Variants in CNGA4 observed in about 807,000 individuals in gnomAD.
CNGA4 encodes cyclic nucleotide-gated channel alpha-4.
CNGA4 carries 32 observed loss-of-function variants against 45.6 expected under a neutral mutation model. The ratio of observed to expected loss-of-function variants is 0.70; its 90% confidence interval spans 0.53 to 0.94. The LOEUF (loss-of-function observed/expected upper bound fraction) is 0.94. Ranked by LOEUF, CNGA4 falls within the 40% of genes least tolerant of loss-of-function variation. CNGA4 has a pLI of 0.00. For missense variants in CNGA4, 726 were observed against 755.1 expected (o/e 0.96, Z 0.45); for synonymous variants, 293 against 304.6 (o/e 0.96, Z 0.40).
chr11:6,244,383 C>A lies in CNGA4; in HGVS notation c.1702C>A (p.Gln568Lys). Residue 568 changes from glutamine to lysine, a missense_variant, in exon 6 of 6, where the codon CAG becomes AAG. By Grantham distance (53) the Gln-to-Lys change is moderately conservative (BLOSUM62 1). Transcript: ENST00000379936. The surrounding 1 kb of genome is among the most constrained non-coding windows in gnomAD (Gnocchi z 4.5). ...CAAAGATGAAGAGGGCAGGGCCAGC[C>A]AGGAGGGACCCCCAGGTCCAGAGTG... ...TSKDEEGRASQEGPPGPE is the reference protein window; with the variant it reads ...TSKDEEGRASKEGPPGPE 6.2e-7 allele frequency: 1 copy of A among 1,612,850 alleles called. No homozygotes were observed. Among genetic ancestry groups the A allele is most frequent in the Non-Finnish European group, 8.5e-7 (1 of 1,179,460 alleles).
chr11:6,243,882 C>T, intron 5 of CNGA4, 67 bp from the exon 6 acceptor site: 2 of 1,429,628 alleles, frequency 1.4e-6, no homozygotes, highest in Non-Finnish European at 1.9e-6. Flanking sequence ...GGTCCTGGTT[C>T]AGGAGTGAAA....
upstream of CNGA4, chr11:6,239,006 G>A (rs1243507397): frequency 7.0e-7 from 1 of 1,424,388 alleles, no homozygotes; most frequent in Non-Finnish European, 9.2e-7. Context: ...ACAGGGCAGA[G>A]TGCTAGAGCT....
At position 6,240,297 on chromosome 11, in the gene CNGA4, G is replaced by C. The variant is rs763651032; in HGVS notation, c.503G>C (p.Arg168Pro). 1.2e-6 allele frequency: 2 copies of C among 1,614,064 alleles called. No homozygotes were observed. Among genetic ancestry groups the C allele is most frequent in the Non-Finnish European group, 8.5e-7 (1 of 1,180,018 alleles). The change falls in exon 4 of 6, where the codon CGC (arginine) becomes CCC (proline). Residue 168 changes from arginine to proline, a missense_variant. Transcript: ENST00000379936. This position sits in a 1 kb window ranked among gnomAD's most constrained non-coding sequence, Gnocchi z 4.9. ...CGCACAGCTTACCCAAATGCCTTTCGCATTGCCAAGCTGATGCTTTACATT... is the reference window on the plus strand; with the variant it reads ...CGCACAGCTTACCCAAATGCCTTTCCCATTGCCAAGCTGATGCTTTACATT... ...ETRTAYPNAF[R>P]IAKLMLYIFV... is the part of the protein sequence containing the mutation.
At chr11:6,237,645 A>G (rs1000389592), upstream of CNGA4, among the ~76,000 whole-genome samples, 2 of 152,214 alleles carry the variant, frequency 1.3e-5, no homozygotes, top group African/African-American at 4.8e-5. Context: ...TTATGGCATT[A>G]CAAAGGATTT....
intron 5 of CNGA4, 34 bp downstream of exon 5, chr11:6,241,814 ATGGG>A: frequency 6.3e-7 from 1 of 1,594,504 alleles, no homozygotes. Context: ...AGGGACAAGG[ATGGG>A]TGGGGTAGGG....
Position 6,244,142 on chromosome 11 carries a change from C to A in CNGA4, c.1461C>A (p.Ile487=). The change falls in exon 6 of 6, where the codon ATC becomes ATA. Residue 487 remains isoleucine (I), a synonymous_variant. Transcript: ENST00000379936. This position sits in a 1 kb window ranked among gnomAD's most constrained non-coding sequence, Gnocchi z 4.5. The part of the protein sequence containing the change: ...KLDVNAEAAE[I]ALQEATESRL... ...ACGTGAATGCTGAGGCAGCTGAGAT[C>A]GCCCTGCAGGAGGCCACAGAGTCCC... 1 of 1,614,196 alleles carries A rather than the reference C, an allele frequency of 6.2e-7. No individual in the cohort carries two copies. The highest frequency in any genetic ancestry group is 8.5e-7 in the Non-Finnish European group (1 of 1,180,036).
Position 6,244,236 on chromosome 11 carries a change from G to A in CNGA4, c.1555G>A (p.Glu519Lys). 6.2e-7 allele frequency: 1 copy of A among 1,614,204 alleles called. No individual in the cohort carries two copies. Among genetic ancestry groups the A allele is most frequent in the East Asian group, 2.2e-5 (1 of 44,882 alleles). ...GTTTGCTCGCCTCCTGGCTGAGCTG[G>A]AGTCCAGCGCACTTAAGATTGCTTA... Reference protein sequence around the residue: ...TKFARLLAELESSALKIAYRI... With the variant: ...TKFARLLAELKSSALKIAYRI... Residue 519 changes from glutamate (E) to lysine (K), a missense_variant, in exon 6 of 6, where the codon GAG becomes AAG. Glu to Lys is a moderately conservative substitution (Grantham distance 56). Transcript: ENST00000379936. This position sits in a 1 kb window ranked among gnomAD's most constrained non-coding sequence, Gnocchi z 4.5.
At chr11:6,234,797 C>T (rs1455651380), upstream of CNGA4, 4 of 152,794 alleles carry the variant, frequency 2.6e-5, no homozygotes, top group Admixed American at 6.5e-5. Context: ...AACGCAAGGG[C>T]GGGGTCGCCG....
At chr11:6,238,283 T>C (rs549939382), upstream of CNGA4, among the ~76,000 whole-genome samples, 1 of 152,320 alleles carries the variant, frequency 6.6e-6, no homozygotes, top group East Asian at 1.9e-4. Context: ...GGGGAGCGTG[T>C]CTTATTCATC....
chr11:6,243,925 C>G (rs1158767024), intron 5 of CNGA4, 24 bp from the exon 6 acceptor site: 1 of 1,603,062 alleles, frequency 6.2e-7, no homozygotes, highest in Admixed American at 1.7e-5. Flanking sequence ...TAACTGTCCT[C>G]CCATCTCTGC....
chr11:6,243,853 G>A (rs761717801), intron 5 of CNGA4, 96 bp from the exon 6 acceptor site: 43 of 1,114,864 alleles, frequency 3.9e-5, no homozygotes, highest in Non-Finnish European at 5.0e-5. Flanking sequence ...AGGCTCAGAA[G>A]CACAAATATG....
chr11:6,241,473 A>G lies in CNGA4; in HGVS notation c.960A>G (p.Val320=), dbSNP rs61740225. ...LQINKKMTNE[V]AILQHLPERL... ...TCAACAAGAAGATGACCAACGAGGT[A>G]GCCATCTTACAGCACTTGCCTGAGC... The change falls in exon 5 of 6, where the codon GTA becomes GTG. Residue 320 remains valine (V), a synonymous_variant. Coordinates refer to ENST00000379936, the MANE Select transcript of CNGA4 (RefSeq NM_001037329.4). The G allele has an allele frequency of 6.2e-7, 1 of 1,603,366 alleles. No individual in the cohort carries two copies. Among genetic ancestry groups the G allele is most frequent in the Non-Finnish European group, 8.5e-7 (1 of 1,172,730 alleles).
Position 6,240,003 on chromosome 11 carries a change from A to G in CNGA4, c.272-63A>G, listed in dbSNP as rs536669512. ...ACAGTCTCCCTGGCCTGCCCTGGGC[A>G]GCTCATGCTCAGCCCAAGCTTGACT... On this transcript the variant is annotated intron_variant, in intron 3 of 5. Coordinates refer to ENST00000379936, the MANE Select transcript of CNGA4 (RefSeq NM_001037329.4). This position sits in a 1 kb window ranked among gnomAD's most constrained non-coding sequence, Gnocchi z 4.9. The G allele has an allele frequency of 6.5e-7, 1 of 1,537,186 alleles. No individual in the cohort carries two copies. The highest frequency in any genetic ancestry group is 1.4e-5 in the African/African-American group (1 of 73,018).
intron 4 of CNGA4, 33 bp from the exon 5 acceptor site, chr11:6,241,398 C>A: frequency 3.3e-6 from 5 of 1,515,598 alleles, no homozygotes; most frequent in Non-Finnish European, 4.5e-6. Context: ...ACATAAAGGG[C>A]TGGTAAGGAA....
At chr11:6,243,472 C>A (rs1419696289) in intron 5 of CNGA4, among the ~76,000 whole-genome samples, 3 of 152,174 alleles carry the variant, frequency 2.0e-5, no homozygotes, top group Non-Finnish European at 4.4e-5. Context: ...TCAAAGACAG[C>A]ATCAAGCCAT....
chr11:6,239,273 G>A lies in CNGA4; in HGVS notation c.62+5G>A, dbSNP rs764343673. The A allele has an allele frequency of 1.9e-6, 3 of 1,613,980 alleles. No individual in the cohort carries two copies. In the African/African-American group the frequency reaches 4.0e-5, roughly 22 times the overall value. ...CCCAGCCCCATCCAAGGCCAGGTGA[G>A]AAGTCCTGGTCCCTTGTGTGGGATC... On this transcript the variant is annotated splice_donor_5th_base_variant and intron_variant, in intron 1 of 5. Transcript: ENST00000379936.
chr11:6,243,078 C>T (rs921766900), intron 5 of CNGA4, among the ~76,000 whole-genome samples: 1 of 152,170 alleles, frequency 6.6e-6, no homozygotes. Flanking sequence ...TTTTCTGCAT[C>T]CAACTGACTC....
chr11:6,239,769 A>T lies in CNGA4; in HGVS notation c.250A>T (p.Met84Leu), dbSNP rs906894297. 3 of 1,613,972 alleles carry T rather than the reference A, an allele frequency of 1.9e-6. No individual in the cohort carries two copies. Among genetic ancestry groups the T allele is most frequent in the Non-Finnish European group, 2.5e-6 (3 of 1,179,894 alleles). The change falls in exon 3 of 6, where the codon ATG (methionine) becomes TTG (leucine). Residue 84 changes from methionine to leucine, a missense_variant. Transcript: ENST00000379936. ...YTSDLLYLLD[M>L]VVRFHTGFLE... ...GAGTGACCTGCTATACCTACTAGACATGGTGGTGCGCTTCCACACAGGTCA... is the reference window on the plus strand; with the variant it reads ...GAGTGACCTGCTATACCTACTAGACTTGGTGGTGCGCTTCCACACAGGTCA...
In CNGA4 at chr11:6,244,361, A is replaced by G. The variant is rs1446772083; in HGVS notation, c.1680A>G (p.Lys560=). ...GTGAGCCTGAGGAGGGAACTTCCAA[A>G]GATGAAGAGGGCAGGGCCAGCCAGG... is the stretch of plus-strand genomic sequence containing the variant. ...DEGEPEEGTS[K]DEEGRASQEG... Residue 560 remains lysine (K), a synonymous_variant, in exon 6 of 6, where the codon AAA becomes AAG. Coordinates refer to ENST00000379936, the MANE Select transcript of CNGA4 (RefSeq NM_001037329.4). The surrounding 1 kb of genome is among the most constrained non-coding windows in gnomAD (Gnocchi z 4.5). 3.1e-6 allele frequency: 5 copies of G among 1,613,996 alleles called. No individual in the cohort carries two copies. Among genetic ancestry groups the G allele is most frequent in the Admixed American group, 3.3e-5 (2 of 59,992 alleles).
Sources: allele counts gnomAD v4.1 joint callset (sites outside exome capture counted in the v4.1 genomes callset), GRCh38; gene constraint gnomAD v4.1.1; non-coding constraint Gnocchi (gnomAD v3.1); transcripts MANE v1.5; gene names NCBI Gene and HGNC (gene_info 2026-07-23, HGNC 2026-07-21).